CIMIP7: variants seen among roughly 807,000 people sequenced by gnomAD.
CIMIP7 encodes ciliary microtubule inner protein 7.
chr3:49,187,560 A>G, the CIMIP7 span, among the ~76,000 whole-genome samples: 1 of 152,172 alleles, frequency 6.6e-6, no homozygotes. Context: ...GAGAACCAGA[A>G]TTATATTTCC....
At chr3:49,188,522 GC>G in the CIMIP7 span, among the ~76,000 whole-genome samples, 1 of 152,028 alleles carries the variant, frequency 6.6e-6, no homozygotes, top group Non-Finnish European at 1.5e-5. Flanking sequence ...TCCCTCCTAG[GC>G]CACATCCCAC....
the CIMIP7 span, among the ~76,000 whole-genome samples, chr3:49,185,323 G>A: frequency 6.6e-6 from 1 of 151,808 alleles, no homozygotes; most frequent in Non-Finnish European, 1.5e-5. Context: ...CTGACACTTT[G>A]GGAAGCCAAG....
chr3:49,182,990 G>T, the CIMIP7 span, among the ~76,000 whole-genome samples: 1 of 152,232 alleles, frequency 6.6e-6, no homozygotes, highest in South Asian at 2.1e-4. Flanking sequence ...TTCCCCCTCT[G>T]GCCTCTCCCT....
chr3:49,181,089 C>T, the CIMIP7 span, among the ~76,000 whole-genome samples: 1 of 151,998 alleles, frequency 6.6e-6, no homozygotes, highest in Non-Finnish European at 1.5e-5. Context: ...TGCCTATAAT[C>T]CCAGCAGTTT....
chr3:49,183,421 C>G, the CIMIP7 span, among the ~76,000 whole-genome samples: 1 of 152,144 alleles, frequency 6.6e-6, no homozygotes, highest in South Asian at 2.1e-4. Context: ...GGTGGCTCAT[C>G]CTGTAATCCC....
chr3:49,178,427 G>T, the CIMIP7 span: 1 of 1,539,998 alleles, frequency 6.5e-7, no homozygotes, highest in Non-Finnish European at 9.0e-7. Flanking sequence ...GCTCTGTCCA[G>T]ACTTCAGCTT....
At chr3:49,183,733 C>T in the CIMIP7 span, among the ~76,000 whole-genome samples, 1 of 152,130 alleles carries the variant, frequency 6.6e-6, no homozygotes, top group African/African-American at 2.4e-5. Flanking sequence ...GGCATTTATC[C>T]CAGAGAGACA....
At chr3:49,181,187 C>A in the CIMIP7 span, among the ~76,000 whole-genome samples, 5 of 150,246 alleles carry the variant, frequency 3.3e-5, no homozygotes, top group Non-Finnish European at 7.4e-5. Flanking sequence ...ACTGAAAATA[C>A]AAAAATTAGC....
chr3:49,183,587 G>A, the CIMIP7 span, among the ~76,000 whole-genome samples: 13 of 152,136 alleles, frequency 8.5e-5, no homozygotes, highest in Admixed American at 1.3e-4. Context: ...CCCGGGAGGC[G>A]GAGGTTGCAG....
chr3:49,191,536 C>A, the CIMIP7 span: 1 of 686,984 alleles, frequency 1.5e-6, no homozygotes, highest in Non-Finnish European at 2.7e-6. Context: ...TTCAGGAGAC[C>A]ATGATGCATG....
chr3:49,178,564 G>C, the CIMIP7 span: 20 of 1,605,674 alleles, frequency 1.2e-5, no homozygotes, highest in Non-Finnish European at 1.4e-5. Context: ...GAAAGAAGGT[G>C]AATGGGGAAA....
chr3:49,181,361 A>G, the CIMIP7 span, among the ~76,000 whole-genome samples: 4 of 130,698 alleles, frequency 3.1e-5, no homozygotes, highest in South Asian at 2.6e-4. Flanking sequence ...AAAAAAAAAA[A>G]GCAAGCTGAG....
the CIMIP7 span, among the ~76,000 whole-genome samples, chr3:49,187,274 C>T: frequency 1.9e-4 from 29 of 152,276 alleles, no homozygotes; most frequent in Non-Finnish European, 3.2e-4. Flanking sequence ...CCTTTTCCAA[C>T]GAGGTGGTAA....
chr3:49,191,281 CT>C, the CIMIP7 span, among the ~76,000 whole-genome samples: 1 of 152,140 alleles, frequency 6.6e-6, no homozygotes, highest in South Asian at 2.1e-4. Context: ...ATCACTTTGT[CT>C]GTCTATCCTT....
chr3:49,186,981 T>A, the CIMIP7 span, among the ~76,000 whole-genome samples: 31 of 152,298 alleles, frequency 2.0e-4, no homozygotes, highest in African/African-American at 6.7e-4. Context: ...CTGGGGCAAG[T>A]TTCAATTGAC....
At chr3:49,184,390 TG>T in the CIMIP7 span, among the ~76,000 whole-genome samples, 1 of 152,166 alleles carries the variant, frequency 6.6e-6, no homozygotes, top group African/African-American at 2.4e-5. Context: ...GGTGTGATTT[TG>T]GCTTGCTGCA....
At chr3:49,189,833 G>C in the CIMIP7 span, 6 of 736,216 alleles carry the variant, frequency 8.1e-6, no homozygotes, top group South Asian at 8.2e-5. Flanking sequence ...GAGCAATATG[G>C]TTCAGTTTGG....
chr3:49,178,192 TC>T, the CIMIP7 span: 12 of 787,956 alleles, frequency 1.5e-5, no homozygotes, highest in Non-Finnish European at 2.4e-5. Context: ...TTGGCCTGCC[TC>T]CCCAGTGATG....
chr3:49,189,808 T>C, the CIMIP7 span: 15 of 704,044 alleles, frequency 2.1e-5, no homozygotes, highest in Admixed American at 2.7e-4. Context: ...CCTTTGTCCA[T>C]CTAGAAGGGG....
Sources: allele counts gnomAD v4.1 joint callset (sites outside exome capture counted in the v4.1 genomes callset), GRCh38; gene constraint gnomAD v4.1.1; transcripts MANE v1.5; gene names NCBI Gene and HGNC (gene_info 2026-07-23, HGNC 2026-07-21).